GLI3: variants seen among roughly 807,000 people sequenced by gnomAD.
GLI3 encodes the protein GLI family zinc finger 3, also known as transcription activator GLI3.
A neutral mutation model predicts 100.8 loss-of-function variants in GLI3; 20 were observed. That is an observed-to-expected ratio of 0.20 (90% CI 0.14 to 0.29). The LOEUF (loss-of-function observed/expected upper bound fraction) is 0.29. GLI3 is among the 10% of genes least tolerant of loss of function. The pLI is 1.00. For synonymous variants in GLI3, 938 were observed against 860.5 expected, an observed-to-expected ratio of 1.09 and a Z score of -1.58; for missense variants, 2,040 against 2,128.5, an observed-to-expected ratio of 0.96 and a Z score of 0.82.
intron 2 of GLI3, among the ~76,000 whole-genome samples, chr7:42,162,985 TTTTTTTTG>T (rs1787162558): frequency 7.1e-6 from 1 of 139,952 alleles, no homozygotes; most frequent in African/African-American, 2.6e-5. Flanking sequence ...TTTTTTTTTT[TTTTTTTTG>T]TATTTTCAAC....
chr7:42,110,559 C>A (rs565885086), intron 3 of GLI3, among the ~76,000 whole-genome samples: 1 of 152,274 alleles, frequency 6.6e-6, no homozygotes, highest in Non-Finnish European at 1.5e-5. Context: ...CCATAATAAA[C>A]CCGGTAATTC....
chr7:42,131,467 A>G (rs1786274338), intron 3 of GLI3, among the ~76,000 whole-genome samples: 1 of 152,262 alleles, frequency 6.6e-6, no homozygotes, highest in Non-Finnish European at 1.5e-5. Context: ...GGGTGATTTA[A>G]GAATTTAGAA....
chr7:42,200,264 T>G (rs1788011326), intron 2 of GLI3, among the ~76,000 whole-genome samples: 1 of 152,196 alleles, frequency 6.6e-6, no homozygotes, highest in African/African-American at 2.4e-5. Flanking sequence ...CTATGGTGTA[T>G]CCACCATGCC....
intron 4 of GLI3, among the ~76,000 whole-genome samples, chr7:42,053,490 C>T (rs1368507159): frequency 6.6e-6 from 1 of 152,166 alleles, no homozygotes; most frequent in Non-Finnish European, 1.5e-5. Flanking sequence ...ATAGAAATGA[C>T]ATATATTTTC....
At chr7:42,151,295 C>T (rs1201022690) in intron 2 of GLI3, 1 of 152,136 alleles carries the variant, frequency 6.6e-6, no homozygotes, top group African/African-American at 2.4e-5. Context: ...ATACACACTC[C>T]ACAATACAAA....
intron 13 of GLI3, among the ~76,000 whole-genome samples, chr7:41,968,161 G>A (rs879857589): frequency 1.3e-5 from 2 of 152,146 alleles, no homozygotes; most frequent in Non-Finnish European, 2.9e-5. Context: ...CAGTGTGACT[G>A]GCATGGTATC....
chr7:42,103,450 T>TCAAATG (rs761939604), intron 3 of GLI3, among the ~76,000 whole-genome samples: 2 of 130,198 alleles, frequency 1.5e-5, no homozygotes, highest in Non-Finnish European at 3.4e-5. Flanking sequence ...GATTCAAAGA[T>TCAAATG]CAAATGTATC....
intron 4 of GLI3, among the ~76,000 whole-genome samples, chr7:42,066,854 AAACAAG>A (rs1427383679): frequency 1.3e-5 from 2 of 152,164 alleles, no homozygotes; most frequent in Non-Finnish European, 2.9e-5. Flanking sequence ...TTGGTCATTA[AAACAAG>A]ATTAAAATAC....
intron 2 of GLI3, among the ~76,000 whole-genome samples, chr7:42,198,516 G>A (rs1052306602): frequency 5.3e-5 from 8 of 152,026 alleles, no homozygotes; most frequent in African/African-American, 1.9e-4. Flanking sequence ...GGATGTGGGA[G>A]GACTGCATGA....
In GLI3 at chr7:42,184,296, C is replaced by T. The variant is rs118176732; in HGVS notation, c.125-35828G>A. Among the ~76,000 whole-genome samples, 10 of 152,310 alleles carry T rather than the reference C, an allele frequency of 6.6e-5. No homozygotes were observed. The East Asian group carries it at 7.7e-4, about 12-fold the overall frequency. Reference sequence around the variant, plus strand: ...TGCCTAGGTCTGCCCCAGGGCTCTGCGCTGCCGTTCCCTGACCTGCAAGGC... The same window carrying T: ...TGCCTAGGTCTGCCCCAGGGCTCTGTGCTGCCGTTCCCTGACCTGCAAGGC... On this transcript the variant is annotated intron_variant, in intron 2 of 14. Transcript: ENST00000395925.
At chr7:42,238,016 C>T, upstream of GLI3, 1 of 148,210 alleles carries the variant, frequency 6.7e-6, no homozygotes, top group Non-Finnish European at 1.3e-5. Context: ...TCCTCCTCCT[C>T]CTCCTCCTTC....
rs1294495269 is a variant in GLI3, at chr7:42,251,782, A to G, written c.-43+12212T>C. ...TGTTACACAGCCAATAATTGGCAAAACTAGAATTCAAATCAGGCATTCTGG... is the reference window on the plus strand; with the variant it reads ...TGTTACACAGCCAATAATTGGCAAAGCTAGAATTCAAATCAGGCATTCTGG... On this transcript the variant is annotated intron_variant, in intron 1 of 2. Transcript: ENST00000678978. Among the ~76,000 whole-genome samples the G allele has an allele frequency of 2.0e-5, 3 of 152,242 alleles. No individual in the cohort carries two copies. The East Asian group carries it at 5.8e-4, about 29-fold the overall frequency.
intron 4 of GLI3, among the ~76,000 whole-genome samples, chr7:42,063,098 T>C (rs1784604180): frequency 6.6e-6 from 1 of 152,132 alleles, no homozygotes; most frequent in South Asian, 2.1e-4. Context: ...TATAAACTGT[T>C]CCAAGCTGAA....
intron 2 of GLI3, among the ~76,000 whole-genome samples, chr7:42,198,503 C>T (rs1483133948): frequency 6.6e-6 from 1 of 151,998 alleles, no homozygotes; most frequent in Non-Finnish European, 1.5e-5. Context: ...TGCTGAGCTC[C>T]GGGGATGTGG....
chr7:42,211,804 C>T (rs1788278799), intron 2 of GLI3, among the ~76,000 whole-genome samples: 1 of 152,196 alleles, frequency 6.6e-6, no homozygotes, highest in African/African-American at 2.4e-5. Context: ...ACCACAAACA[C>T]ATTTATCAGT....
rs1787390848 is a variant in GLI3 at position 41,972,476 on chromosome 7, T to G, written c.1964A>C (p.Asp655Ala). The change falls in exon 13 of 15, where the codon GAT becomes GCT. Residue 655 changes from aspartate to alanine, a missense_variant. Physicochemically the swap from Asp to Ala is moderately radical, Grantham distance 126 (BLOSUM62 -2). This residue lies in a region of GLI3 where 327 missense variants were observed against 338.7 expected (regional missense o/e 0.97). Transcript: ENST00000395925. This position sits in a 1 kb window ranked among gnomAD's most constrained non-coding sequence, Gnocchi z 4.4. ...DIHPRPPPPRDSGSHSQSRSP... is the reference protein window; with the variant it reads ...DIHPRPPPPRASGSHSQSRSP... ...CCTGGACTGTGAATGGCTGCCGGAA[T>G]CTCTCGGGGGTGGCGGCCGAGGATG... 2 of 1,613,748 alleles carry G rather than the reference T, an allele frequency of 1.2e-6. No individual in the cohort carries two copies. The highest frequency in any genetic ancestry group is 4.5e-5 in the East Asian group (2 of 44,862).
chr7:42,107,517 G>A (rs1237626978), intron 3 of GLI3, among the ~76,000 whole-genome samples: 1 of 152,224 alleles, frequency 6.6e-6, no homozygotes, highest in East Asian at 1.9e-4. Flanking sequence ...GAAGGCAGGG[G>A]ACAGCGAGAG....
intron 11 of GLI3, 86 bp downstream of exon 11, chr7:41,978,513 C>G (rs988445725): frequency 1.5e-6 from 2 of 1,304,766 alleles, no homozygotes; most frequent in East Asian, 4.7e-5. Flanking sequence ...AACCACGCTT[C>G]CCCTGAGCTG....
upstream of GLI3, among the ~76,000 whole-genome samples, chr7:42,239,424 TGAA>T (rs1562798528): frequency 6.6e-6 from 1 of 151,764 alleles, no homozygotes; most frequent in Non-Finnish European, 1.5e-5. Context: ...CTTTTACAAT[TGAA>T]GAGAATTGCA....
Sources: gnomAD v4.1 joint callset for allele counts (sites outside exome capture counted in the v4.1 genomes callset) on GRCh38, gnomAD v4.1.1 for gene constraint, gnomAD v4.1.1 regional missense constraint, Gnocchi (gnomAD v3.1) non-coding constraint, MANE v1.5 for transcripts, NCBI Gene and HGNC (gene_info 2026-07-23, HGNC 2026-07-21) for gene names.